The following SLC9C1 variants were observed in gnomAD, a reference collection of about 807,000 sequenced individuals.
SLC9C1 encodes the protein sodium/hydrogen exchanger 10.
Under a neutral mutation model 140.9 loss-of-function variants are expected in SLC9C1, and 97 were observed. The observed-to-expected ratio is 0.69, with a 90% CI of 0.58 to 0.82. The LOEUF is 0.82. Among genes scored for constraint, SLC9C1 ranks in the 40% least tolerant of loss-of-function variants. The pLI, the probability that SLC9C1 is intolerant of heterozygous loss-of-function variation, is 0.00. For synonymous variants in SLC9C1, 440 were observed against 442.6 expected (o/e 0.99, Z 0.07); for missense variants, 1,340 against 1,389.3 (o/e 0.96, Z 0.56).
At chr3:112,222,456 A>C (rs6789875) in intron 13 of SLC9C1, among the ~76,000 whole-genome samples, 34,940 of 152,096 alleles carry the variant, frequency 0.23, 4,353 homozygotes, top group Middle Eastern at 0.28. Context: ...CAATAGCACA[A>C]AATCAATGAT....
intron 18 of SLC9C1, 129 bp from the exon 19 acceptor site, chr3:112,200,891 G>A: frequency 2.5e-6 from 2 of 790,760 alleles, no homozygotes; most frequent in Non-Finnish European, 4.0e-6. Flanking sequence ...GAGGTTTTCA[G>A]GGGTTCGAAT....
At chr3:112,204,880 G>A (rs1351656395) in intron 16 of SLC9C1, among the ~76,000 whole-genome samples, 1 of 152,044 alleles carries the variant, frequency 6.6e-6, no homozygotes, top group Admixed American at 6.6e-5. Flanking sequence ...TTTTATTAAA[G>A]TAGTTCAAGA....
At chr3:112,254,723 A>G (rs920616417) in intron 10 of SLC9C1, among the ~76,000 whole-genome samples, 5 of 152,188 alleles carry the variant, frequency 3.3e-5, no homozygotes, top group African/African-American at 9.7e-5. Flanking sequence ...CAATGGCAAG[A>G]TCAAATCCAC....
Position 112,286,875 on chromosome 3 carries a change from G to T in SLC9C1, c.-84C>A. The T allele has an allele frequency of 1.2e-6, 1 of 851,262 alleles. No homozygotes were observed. The highest frequency in any genetic ancestry group is 2.6e-5 in the South Asian group (1 of 39,020). The allele number at this position is 851,262 out of a possible 1,614,324, so 52.7% of individuals were successfully genotyped here. ...TCTTGTTGTTTTTCACAGTCCATCT[G>T]AATCTAAGAAACATAAGATTTGCCT... On this transcript the variant is annotated 5_prime_UTR_variant, in exon 2 of 29. Coordinates refer to ENST00000305815, the MANE Select transcript of SLC9C1 (RefSeq NM_183061.3).
At chr3:112,168,727 TG>T in intron 25 of SLC9C1, 149 bp downstream of exon 25, 1 of 666,136 alleles carries the variant, frequency 1.5e-6, no homozygotes, top group Non-Finnish European at 2.4e-6. Context: ...GGTGTGGTTG[TG>T]GGTATGAGTG....
intron 13 of SLC9C1, 72 bp downstream of exon 13, chr3:112,231,289 G>A: frequency 3.8e-6 from 6 of 1,561,408 alleles, no homozygotes; most frequent in Non-Finnish European, 5.2e-6. Flanking sequence ...TGATCAAGAT[G>A]TCTTTATAAA....
At chr3:112,209,833 G>T (rs2078153743) in intron 15 of SLC9C1, among the ~76,000 whole-genome samples, 1 of 152,148 alleles carries the variant, frequency 6.6e-6, no homozygotes, top group African/African-American at 2.4e-5. Context: ...ATAAGTTAAA[G>T]ATTTAAATAA....
intron 13 of SLC9C1, among the ~76,000 whole-genome samples, chr3:112,225,099 T>C (rs1297301542): frequency 6.6e-6 from 1 of 152,078 alleles, no homozygotes; most frequent in Non-Finnish European, 1.5e-5. Context: ...AGTCAAACTG[T>C]CAAAAGTCAA....
At chr3:112,169,357 TTTA>T (rs1192995118) in intron 23 of SLC9C1, 29 bp from the exon 24 acceptor site, 2 of 1,594,954 alleles carry the variant, frequency 1.3e-6, no homozygotes, top group East Asian at 4.5e-5. Context: ...AATTTGATAT[TTTA>T]TTTTGTGCAC....
intron 13 of SLC9C1, among the ~76,000 whole-genome samples, chr3:112,225,846 A>G (rs2078669160): frequency 6.6e-6 from 1 of 152,200 alleles, no homozygotes; most frequent in Non-Finnish European, 1.5e-5. Context: ...AGTTTACTAT[A>G]TAATGATAAA....
At position 112,195,338 on chromosome 3, in the gene SLC9C1, A is replaced by G. The variant is rs182709997; in HGVS notation, c.2523+3983T>C. Reference sequence around the variant, plus strand: ...TAAGGGTCCAACTTTATTCTTGTGCATGTAGAGATCCAGTTTCTCAAAGAA... The same window carrying G: ...TAAGGGTCCAACTTTATTCTTGTGCGTGTAGAGATCCAGTTTCTCAAAGAA... On this transcript the variant is annotated intron_variant, in intron 20 of 28. Coordinates refer to ENST00000305815, the MANE Select transcript of SLC9C1 (RefSeq NM_183061.3). Among the ~76,000 whole-genome samples the G allele has an allele frequency of 2.1e-4, 32 of 152,252 alleles. No individual in the cohort carries two copies. The South Asian group carries it at 6.4e-3, about 31-fold the overall frequency.
chr3:112,271,364 T>C (rs2080067916), intron 6 of SLC9C1, among the ~76,000 whole-genome samples: 1 of 134,702 alleles, frequency 7.4e-6, no homozygotes, highest in Admixed American at 8.1e-5. Flanking sequence ...GAGGTGACGT[T>C]AATTAGTTTG....
At chr3:112,191,023 G>A (rs2077650398) in intron 20 of SLC9C1, among the ~76,000 whole-genome samples, 3 of 148,912 alleles carry the variant, frequency 2.0e-5, no homozygotes, top group Admixed American at 6.7e-5. Context: ...CAAGAATATA[G>A]ATATATTCTG....
chr3:112,241,803 C>T lies in SLC9C1; in HGVS notation c.1280-1797G>A, dbSNP rs1444667714. 2.0e-5 allele frequency among the ~76,000 whole-genome samples: 3 copies of T among 152,140 alleles called. No homozygotes were observed. In the East Asian group the frequency reaches 5.8e-4, roughly 29 times the overall value. ...ACCCAGAAGAAAAGCTGCATGCTTA[C>T]AGTCATCTGATGTTTGACAAAGCTG... is the stretch of plus-strand genomic sequence containing the variant. On this transcript the variant is annotated intron_variant, in intron 11 of 28. Coordinates refer to ENST00000305815, the MANE Select transcript of SLC9C1 (RefSeq NM_183061.3).
chr3:112,175,935 A>T (rs888186012), intron 23 of SLC9C1, among the ~76,000 whole-genome samples: 5 of 152,112 alleles, frequency 3.3e-5, no homozygotes, highest in Non-Finnish European at 5.9e-5. Flanking sequence ...TTATCATGTG[A>T]TGTACCACGG....
At chr3:112,175,393 C>T (rs185857554) in intron 23 of SLC9C1, among the ~76,000 whole-genome samples, 7 of 152,216 alleles carry the variant, frequency 4.6e-5, no homozygotes, top group Admixed American at 1.3e-4. Flanking sequence ...CTGGAGAACC[C>T]GGTCAGGAGG....
At chr3:112,146,302 C>A (rs1024144775) in intron 28 of SLC9C1, among the ~76,000 whole-genome samples, 12 of 151,510 alleles carry the variant, frequency 7.9e-5, no homozygotes, top group African/African-American at 2.9e-4. Flanking sequence ...ACTTTTATGT[C>A]TTAATTTTGT....
intron 23 of SLC9C1, among the ~76,000 whole-genome samples, chr3:112,177,458 C>T (rs2077361351): frequency 6.6e-6 from 1 of 151,546 alleles, no homozygotes; most frequent in Non-Finnish European, 1.5e-5. Flanking sequence ...CTTTGTCTTA[C>T]TTCCTGCTCT....
Position 112,146,130 on chromosome 3 carries a change from A to G in SLC9C1, c.3525-4849T>C, listed in dbSNP as rs778985966. On this transcript the variant is annotated intron_variant, in intron 28 of 28. Transcript: ENST00000305815. ...GTAGAGGTGTTCATAACAGTCTCCA[A>G]GGATCTTTTGTATTTCTGTGGGATT... 1.1e-4 allele frequency among the ~76,000 whole-genome samples: 17 copies of G among 152,110 alleles called. 1 individual carries two copies. The highest frequency in any genetic ancestry group is 3.4e-3 in the Middle Eastern group (1 of 294).
Sources: allele counts gnomAD v4.1 joint callset (sites outside exome capture counted in the v4.1 genomes callset), GRCh38; gene constraint gnomAD v4.1.1; transcripts MANE v1.5; gene names NCBI Gene and HGNC (gene_info 2026-07-23, HGNC 2026-07-21).